The following SMYD3 variants were observed in gnomAD, a reference collection of about 807,000 sequenced individuals.
SMYD3 encodes SET and MYND domain containing 3.
A neutral mutation model predicts 57.7 loss-of-function variants in SMYD3; 36 were observed. The observed-to-expected ratio is 0.62, with a 90% CI of 0.48 to 0.82. The LOEUF is 0.82. SMYD3 is among the 40% of genes least tolerant of loss of function. The probability of loss-of-function intolerance (pLI) is 0.00; values close to 1 mark genes in which losing one functional copy is unlikely to be tolerated. For missense variants in SMYD3, 515 were observed against 538.8 expected, an observed-to-expected ratio of 0.96 and a Z score of 0.44; for synonymous variants, 211 against 195.0, an observed-to-expected ratio of 1.08 and a Z score of -0.68.
intron 5 of SMYD3, among the ~76,000 whole-genome samples, chr1:246,172,133 A>G (rs1361490078): frequency 6.6e-6 from 1 of 152,210 alleles, no homozygotes; most frequent in East Asian, 1.9e-4. Context: ...GTGAATGTGA[A>G]GGCCTAGAAC....
At chr1:245,953,866 G>A (rs901674958) in intron 5 of SMYD3, among the ~76,000 whole-genome samples, 2 of 152,204 alleles carry the variant, frequency 1.3e-5, no homozygotes, top group African/African-American at 4.8e-5. Context: ...GTTCAATGCT[G>A]AATAAGATTA....
chr1:246,261,161 C>A (rs143194491), intron 5 of SMYD3, among the ~76,000 whole-genome samples: 8,996 of 152,086 alleles, frequency 0.059, 431 homozygotes, highest in African/African-American at 0.12. Flanking sequence ...TGGGTTCACA[C>A]CATTCTCCGG....
At chr1:246,435,701 A>G (rs114819363) in intron 1 of SMYD3, among the ~76,000 whole-genome samples, 145 of 141,532 alleles carry the variant, frequency 1.0e-3, no homozygotes, top group African/African-American at 3.7e-3. Flanking sequence ...TCTAAATGAT[A>G]GAAGAATTCC....
At chr1:245,797,699 T>G (rs1558350263) in intron 10 of SMYD3, among the ~76,000 whole-genome samples, 1 of 151,154 alleles carries the variant, frequency 6.6e-6, no homozygotes, top group African/African-American at 2.4e-5. Context: ...TAGATAGATA[T>G]AAAGAAAAGA....
chr1:246,199,660 T>C (rs10737787), intron 5 of SMYD3, among the ~76,000 whole-genome samples: 50,684 of 152,092 alleles, frequency 0.33, 10,369 homozygotes, highest in East Asian at 0.58. Flanking sequence ...GCACACCTGA[T>C]TCGCTGGCTT....
chr1:246,237,313 C>T (rs55756416), intron 5 of SMYD3, among the ~76,000 whole-genome samples: 31,518 of 152,048 alleles, frequency 0.21, 3,965 homozygotes, highest in East Asian at 0.58. Context: ...TCCTGACCAT[C>T]GCCTCCAACC....
intron 1 of SMYD3, among the ~76,000 whole-genome samples, chr1:246,378,711 T>C (rs1291933062): frequency 3.8e-4 from 25 of 66,148 alleles, no homozygotes; most frequent in Non-Finnish European, 7.1e-4. Flanking sequence ...CCTTTATATA[T>C]ATAATATAAT....
intron 5 of SMYD3, among the ~76,000 whole-genome samples, chr1:246,008,275 C>T (rs780097707): frequency 6.6e-6 from 1 of 151,664 alleles, no homozygotes; most frequent in Non-Finnish European, 1.5e-5. Context: ...GTGTCCTTAT[C>T]CACAGACGCA....
intron 5 of SMYD3, among the ~76,000 whole-genome samples, chr1:246,311,534 T>C (rs2065079408): frequency 6.6e-6 from 1 of 152,258 alleles, no homozygotes; most frequent in Non-Finnish European, 1.5e-5. Context: ...TAATGATTAT[T>C]ATTCAAAGCT....
chr1:245,827,863 G>A (rs1355197718), intron 10 of SMYD3, among the ~76,000 whole-genome samples: 1 of 152,174 alleles, frequency 6.6e-6, no homozygotes, highest in Non-Finnish European at 1.5e-5. Context: ...GCCGAGTCCA[G>A]AACCCAGTCT....
chr1:246,486,933 G>A (rs1446469643), intron 1 of SMYD3, among the ~76,000 whole-genome samples: 4 of 152,040 alleles, frequency 2.6e-5, no homozygotes, highest in Non-Finnish European at 5.9e-5. Context: ...TAGGCCCATG[G>A]ACATATAAGG....
intron 4 of SMYD3, among the ~76,000 whole-genome samples, chr1:246,330,196 G>A (rs1337729292): frequency 6.6e-6 from 1 of 152,130 alleles, no homozygotes; most frequent in Non-Finnish European, 1.5e-5. Flanking sequence ...AAGGGAAACA[G>A]GGAAGAAAAA....
At chr1:246,326,822 G>C (rs1292598571) in intron 5 of SMYD3, 6 of 272,958 alleles carry the variant, frequency 2.2e-5, no homozygotes, top group Non-Finnish European at 3.4e-5. Context: ...TCAAAGACAG[G>C]CTCTATGCTT....
At chr1:245,984,435 ACCTCCCCTCCTGTG>A (rs2058662682) in intron 5 of SMYD3, among the ~76,000 whole-genome samples, 1 of 152,104 alleles carries the variant, frequency 6.6e-6, no homozygotes, top group Admixed American at 6.5e-5. Flanking sequence ...CCGCAGAAGC[ACCTCCCCTCCTGTG>A]CAAGGGCATG....
chr1:246,012,191 A>T (rs1419442172), intron 5 of SMYD3, among the ~76,000 whole-genome samples: 1 of 152,194 alleles, frequency 6.6e-6, no homozygotes, highest in Non-Finnish European at 1.5e-5. Flanking sequence ...ACTACACAAA[A>T]TAGAAAGCCT....
In SMYD3 at chr1:246,181,076, C is replaced by T. The variant is rs76130430; in HGVS notation, c.531+146125G>A. Among the ~76,000 whole-genome samples the T allele has an allele frequency of 1.1e-3, 161 of 152,272 alleles. 1 individual carries two copies. Among genetic ancestry groups the T allele is most frequent in the African/African-American group, 3.7e-3 (154 of 41,538 alleles). On this transcript the variant is annotated intron_variant, in intron 5 of 11. Coordinates refer to ENST00000490107, the MANE Select transcript of SMYD3 (RefSeq NM_001167740.2). ...TCATCTCTCCACATGCATTCCCATCCTTGAGAAGTGGTAGGAACCATGCGC... is the reference window on the plus strand; with the variant it reads ...TCATCTCTCCACATGCATTCCCATCTTTGAGAAGTGGTAGGAACCATGCGC...
At chr1:245,776,339 C>A (rs566841052) in intron 10 of SMYD3, among the ~76,000 whole-genome samples, 1 of 152,032 alleles carries the variant, frequency 6.6e-6, no homozygotes, top group Non-Finnish European at 1.5e-5. Context: ...TTGAGTGTTA[C>A]ATCAGTAAGA....
At chr1:245,914,133 T>C (rs1160521140) in intron 8 of SMYD3, among the ~76,000 whole-genome samples, 1 of 152,208 alleles carries the variant, frequency 6.6e-6, no homozygotes, top group Non-Finnish European at 1.5e-5. Context: ...ATGAGGCCAC[T>C]GCCATTACTT....
At chr1:246,153,434 G>GGGGA (rs983671788) in intron 5 of SMYD3, among the ~76,000 whole-genome samples, 1 of 149,870 alleles carries the variant, frequency 6.7e-6, no homozygotes, top group Non-Finnish European at 1.5e-5. Flanking sequence ...GGAGGGAGAG[G>GGGGA]GGGAGGGAGG....
Sources: gnomAD v4.1 joint callset for allele counts (sites outside exome capture counted in the v4.1 genomes callset) on GRCh38, gnomAD v4.1.1 for gene constraint, MANE v1.5 for transcripts, NCBI Gene and HGNC (gene_info 2026-07-23, HGNC 2026-07-21) for gene names.